GRIK1: variants seen among roughly 807,000 people sequenced by gnomAD.
GRIK1 encodes glutamate ionotropic receptor kainate type subunit 1.
In GRIK1, 69 loss-of-function variants were observed where a neutral mutation model predicts 105.7. The observed-to-expected ratio is 0.65, with a 90% CI of 0.54 to 0.80. GRIK1 has a LOEUF of 0.80. Ranked by LOEUF, GRIK1 falls within the 30% of genes least tolerant of loss-of-function variation. GRIK1 has a pLI of 0.00. For missense variants in GRIK1, 1,109 were observed against 1,167.3 expected (o/e 0.95, Z 0.73); for synonymous variants, 438 against 431.3 (o/e 1.02, Z -0.19).
intron 1 of GRIK1, among the ~76,000 whole-genome samples, chr21:29,724,150 G>A (rs745312226): frequency 1.3e-5 from 2 of 152,178 alleles, no homozygotes; most frequent in Non-Finnish European, 2.9e-5. Context: ...CTACAAAATC[G>A]ATCCTCGTGG....
intron 1 of GRIK1, among the ~76,000 whole-genome samples, chr21:29,766,925 G>A (rs1327381269): frequency 6.6e-6 from 1 of 152,210 alleles, no homozygotes; most frequent in African/African-American, 2.4e-5. Flanking sequence ...GAAAGGCTCT[G>A]TTATGGGATT....
chr21:29,570,087 T>C (rs1356098658), intron 14 of GRIK1, among the ~76,000 whole-genome samples: 7 of 152,156 alleles, frequency 4.6e-5, no homozygotes, highest in Non-Finnish European at 1.0e-4. Context: ...CTGTTCAGAC[T>C]TGAGAAACAA....
chr21:29,752,737 C>T (rs1015918446), intron 1 of GRIK1, among the ~76,000 whole-genome samples: 7 of 152,030 alleles, frequency 4.6e-5, no homozygotes, highest in East Asian at 1.9e-4. Flanking sequence ...CTTGGGAGGC[C>T]GAGGCAGGAA....
chr21:29,615,438 T>C (rs1028542237), intron 7 of GRIK1, among the ~76,000 whole-genome samples: 3 of 152,146 alleles, frequency 2.0e-5, no homozygotes, highest in African/African-American at 7.2e-5. Flanking sequence ...GCCTCCCAAG[T>C]AGCTGGGATT....
intron 1 of GRIK1, among the ~76,000 whole-genome samples, chr21:29,881,830 A>T (rs1006451914): frequency 2.0e-5 from 3 of 152,180 alleles, no homozygotes; most frequent in Non-Finnish European, 4.4e-5. Flanking sequence ...GTGCTCCACA[A>T]TGGTATTCAA....
chr21:29,641,760 T>A (rs2062515527), intron 7 of GRIK1, among the ~76,000 whole-genome samples: 1 of 152,180 alleles, frequency 6.6e-6, no homozygotes, highest in Non-Finnish European at 1.5e-5. Flanking sequence ...CCTAGGTACT[T>A]AATCCTTATA....
At chr21:29,848,755 G>GTGTATATATATATATATATA (rs773386863) in intron 1 of GRIK1, among the ~76,000 whole-genome samples, 2 of 91,220 alleles carry the variant, frequency 2.2e-5, no homozygotes, top group Non-Finnish European at 4.0e-5. Context: ...AGTTGTGTGT[G>GTGTATATATATATATATATA]TATATATATA....
chr21:29,588,493 T>A (rs938936946), intron 11 of GRIK1, among the ~76,000 whole-genome samples: 4 of 152,172 alleles, frequency 2.6e-5, no homozygotes, highest in African/African-American at 9.6e-5. Flanking sequence ...TTCTCTCACC[T>A]GCCACCCTGT....
chr21:29,843,262 A>G (rs149527203), intron 1 of GRIK1, among the ~76,000 whole-genome samples: 4 of 152,354 alleles, frequency 2.6e-5, no homozygotes, highest in Admixed American at 2.6e-4. Flanking sequence ...ACACATACCT[A>G]GAATTTGAAT....
At chr21:29,882,439 C>T (rs1459541388) in intron 1 of GRIK1, among the ~76,000 whole-genome samples, 1 of 152,072 alleles carries the variant, frequency 6.6e-6, no homozygotes, top group Non-Finnish European at 1.5e-5. Flanking sequence ...GGTAGAAATA[C>T]TCCACGATTG....
intron 7 of GRIK1, among the ~76,000 whole-genome samples, chr21:29,601,032 G>T (rs748850361): frequency 6.6e-6 from 1 of 152,190 alleles, no homozygotes; most frequent in Non-Finnish European, 1.5e-5. Context: ...TAGGCCACAC[G>T]ATGCCCAAAT....
At chr21:29,673,193 G>C (rs201620928) in intron 3 of GRIK1, 29 bp from the exon 4 acceptor site, 1 of 1,479,742 alleles carries the variant, frequency 6.8e-7, no homozygotes, top group East Asian at 2.3e-5. Context: ...TCATGCAATG[G>C]AGACTGTTCT....
intron 4 of GRIK1, among the ~76,000 whole-genome samples, chr21:29,666,087 C>A (rs955775124): frequency 6.6e-6 from 1 of 152,166 alleles, no homozygotes; most frequent in African/African-American, 2.4e-5. Flanking sequence ...ACATGTACCC[C>A]TGAACTGAAA....
At chr21:29,907,597 T>A (rs189466900) in intron 1 of GRIK1, among the ~76,000 whole-genome samples, 1 of 152,218 alleles carries the variant, frequency 6.6e-6, no homozygotes, top group Admixed American at 6.5e-5. Context: ...TAAGAAGTTA[T>A]CACGAATTTC....
rs931705297 is a variant in GRIK1, at chr21:29,782,612, G to A, written c.119-88549C>T. 3.3e-5 allele frequency among the ~76,000 whole-genome samples: 5 copies of A among 152,250 alleles called. No homozygotes were observed. The East Asian group carries it at 5.8e-4, about 18-fold the overall frequency. Reference sequence around the variant, plus strand: ...TTACAGGCAGAGAGACAGGGGCCTGGATTACCCATTGAACCTGTTTGTCTT... The same window carrying A: ...TTACAGGCAGAGAGACAGGGGCCTGAATTACCCATTGAACCTGTTTGTCTT... On this transcript the variant is annotated intron_variant, in intron 1 of 17. Transcript: ENST00000327783.
rs540282403 is a variant in GRIK1, at chr21:29,763,270, A to C, written c.119-69207T>G. ...CATTCTCCTTCCTGCTCCCCTGTGA[A>C]GAAGATGCCTGCTTCCCCTTTGCCT... On this transcript the variant is annotated intron_variant, in intron 1 of 17. Transcript: ENST00000327783. Among the ~76,000 whole-genome samples, 187 of 152,288 alleles carry C rather than the reference A, an allele frequency of 1.2e-3. 2 individuals are homozygous for C. The highest frequency in any genetic ancestry group is 2.2e-3 in the Non-Finnish European group (153 of 68,014).
rs1491373479 is a variant in GRIK1 at position 29,560,400 on chromosome 21, C to CCTTCCTTCCTTCCTTT, written c.2356+1223_2356+1224insAAAGGAAGGAAGGAAG. On this transcript the variant is annotated intron_variant, in intron 15 of 17. Coordinates refer to ENST00000327783, the MANE Select transcript of GRIK1 (RefSeq NM_001330994.2). The stretch of plus-strand genomic sequence containing the variant: ...TCCTTCCTTCCTTCCTTCCTTCCTT[C>CCTTCCTTCCTTCCTTT]CTTTCTTTCTTTCTTTCTTTCTTTC... Among the ~76,000 whole-genome samples the CCTTCCTTCCTTCCTTT allele has an allele frequency of 1.5e-3, 104 of 67,100 alleles. 9 individuals carry two copies. The highest frequency in any genetic ancestry group is 4.7e-3 in the East Asian group (11 of 2,330). 44.0% of individuals were successfully genotyped at this position (67,100 alleles called of 152,430 possible).
At chr21:29,871,561 C>G (rs937020279) in intron 1 of GRIK1, among the ~76,000 whole-genome samples, 2 of 151,910 alleles carry the variant, frequency 1.3e-5, no homozygotes, top group Non-Finnish European at 2.9e-5. Context: ...CACGAAGGAG[C>G]TTTCAGTGAA....
At chr21:29,553,768 T>C (rs1489553476) in intron 16 of GRIK1, 15 of 1,145,906 alleles carry the variant, frequency 1.3e-5, no homozygotes, top group Non-Finnish European at 1.7e-5. Context: ...CAAGAATGAA[T>C]GTTTAAATGA....
Sources: gnomAD v4.1 joint callset for allele counts (sites outside exome capture counted in the v4.1 genomes callset) on GRCh38, gnomAD v4.1.1 for gene constraint, MANE v1.5 for transcripts, NCBI Gene and HGNC (gene_info 2026-07-23, HGNC 2026-07-21) for gene names.